Variants in ADAMTS18 observed in about 807,000 individuals in gnomAD.
ADAMTS18 encodes ADAM metallopeptidase with thrombospondin type 1 motif 18, also known as A disintegrin and metalloproteinase with thrombospondin motifs 18.
Under a neutral mutation model 165.9 loss-of-function variants are expected in ADAMTS18, and 157 were observed. The observed-to-expected ratio is 0.95, with a 90% confidence interval of 0.83 to 1.08. The LOEUF (loss-of-function observed/expected upper bound fraction) is 1.08, where lower values mean the gene tolerates loss of function less well. Ranked by LOEUF, ADAMTS18 falls within the 50% of genes least tolerant of loss-of-function variation. The pLI, the probability that ADAMTS18 is intolerant of heterozygous loss-of-function variation, is 0.00. For synonymous variants in ADAMTS18, 782 were observed against 578.2 expected (o/e 1.35, Z -5.06); for missense variants, 2,040 against 1,534.0 (o/e 1.33, Z -5.51).
intron 3 of ADAMTS18, among the ~76,000 whole-genome samples, chr16:77,414,563 G>A (rs180883405): frequency 1.2e-4 from 18 of 151,642 alleles, no homozygotes; most frequent in African/African-American, 2.7e-4. Context: ...AAATTATATC[G>A]GTTGACTTGC....
intron 16 of ADAMTS18, among the ~76,000 whole-genome samples, chr16:77,311,540 T>C (rs904309248): frequency 2.0e-5 from 3 of 152,224 alleles, no homozygotes; most frequent in African/African-American, 7.2e-5. Context: ...TTTTAGAATA[T>C]CTGTGTTCCA....
At chr16:77,381,619 T>C (rs973645779) in intron 3 of ADAMTS18, among the ~76,000 whole-genome samples, 2 of 151,938 alleles carry the variant, frequency 1.3e-5, no homozygotes, top group African/African-American at 4.8e-5. Flanking sequence ...CTGACCAACA[T>C]GGTGAAACCT....
chr16:77,289,162 C>T (rs748250188), intron 22 of ADAMTS18, 102 bp downstream of exon 22: 2 of 1,465,358 alleles, frequency 1.4e-6, no homozygotes, highest in Admixed American at 3.3e-5. Context: ...AATGGCTTAC[C>T]CTAGAGTTGT....
chr16:77,399,852 G>A (rs1210728963), intron 3 of ADAMTS18, among the ~76,000 whole-genome samples: 2 of 152,132 alleles, frequency 1.3e-5, no homozygotes, highest in South Asian at 2.1e-4. Context: ...AACTATAACT[G>A]TAATGTCCCT....
intron 10 of ADAMTS18, among the ~76,000 whole-genome samples, chr16:77,349,607 C>A (rs1264470314): frequency 2.0e-5 from 3 of 146,664 alleles, no homozygotes; most frequent in Non-Finnish European, 3.0e-5. Context: ...CCTGCTCTTA[C>A]ATGAAAATCG....
In ADAMTS18 at chr16:77,431,429, G is replaced by C. The variant is rs558792154; in HGVS notation, c.361C>G (p.His121Asp). The C allele has an allele frequency of 6.2e-7, 1 of 1,614,186 alleles. No homozygotes were observed. The highest frequency in any genetic ancestry group is 8.5e-7 in the Non-Finnish European group (1 of 1,180,042). Residue 121 changes from histidine to aspartate, a missense_variant, in exon 3 of 23, where the codon CAC becomes GAC. Physicochemically the swap from His to Asp is moderately conservative, Grantham distance 81. Coordinates refer to ENST00000282849, the MANE Select transcript of ADAMTS18 (RefSeq NM_199355.4). ...TTTCCAAGTACCTGGACAATAAAGT[G>C]ACTGCTCAAAATCGCCGAGGGCTTA... ...ELKPSAILSS[H>D]FIVQVLGKDG...
intron 3 of ADAMTS18, among the ~76,000 whole-genome samples, chr16:77,414,353 G>A (rs190376713): frequency 6.6e-6 from 1 of 152,252 alleles, no homozygotes; most frequent in Admixed American, 6.5e-5. Flanking sequence ...AATGTGGCTC[G>A]TCTGAACTGA....
At chr16:77,354,142 A>G (rs1431061931) in intron 9 of ADAMTS18, among the ~76,000 whole-genome samples, 1 of 152,202 alleles carries the variant, frequency 6.6e-6, no homozygotes, top group African/African-American at 2.4e-5. Context: ...GGGATTTGAC[A>G]GGAGACAGGA....
intron 3 of ADAMTS18, among the ~76,000 whole-genome samples, chr16:77,380,706 A>G (rs528892379): frequency 2.0e-5 from 3 of 152,256 alleles, no homozygotes; most frequent in East Asian, 1.9e-4. Context: ...ATCATAATCA[A>G]CAGATGTTGG....
chr16:77,430,490 C>T (rs1449894446), intron 3 of ADAMTS18, among the ~76,000 whole-genome samples: 1 of 152,224 alleles, frequency 6.6e-6, no homozygotes, highest in African/African-American at 2.4e-5. Flanking sequence ...TCACATTTTC[C>T]TTCTTCTGGC....
chr16:77,379,200 C>T (rs1459658124), intron 3 of ADAMTS18, among the ~76,000 whole-genome samples: 1 of 152,114 alleles, frequency 6.6e-6, no homozygotes, highest in Non-Finnish European at 1.5e-5. Flanking sequence ...CTTCTTGGGC[C>T]TATTAACTTC....
chr16:77,320,652 C>G (rs1386098763), intron 15 of ADAMTS18, among the ~76,000 whole-genome samples: 2 of 150,530 alleles, frequency 1.3e-5, no homozygotes, highest in Admixed American at 1.3e-4. Flanking sequence ...AAAAAAAAAT[C>G]TGTCTGGAAG....
At chr16:77,356,746 T>C (rs1245419740) in intron 8 of ADAMTS18, among the ~76,000 whole-genome samples, 7 of 152,168 alleles carry the variant, frequency 4.6e-5, no homozygotes, top group Non-Finnish European at 1.0e-4. Context: ...AAGGGTCTAG[T>C]AATTATAGAA....
chr16:77,386,319 A>T (rs566726185), intron 3 of ADAMTS18, among the ~76,000 whole-genome samples: 1 of 152,282 alleles, frequency 6.6e-6, no homozygotes, highest in East Asian at 1.9e-4. Context: ...TTAGGATCCA[A>T]ATTTCTAAGG....
rs753892043 is a variant in ADAMTS18 at position 77,295,116 on chromosome 16, C to G, written c.2813G>C (p.Gly938Ala). Residue 938 changes from glycine (G) to alanine (A), a missense_variant, in exon 19 of 23, where the codon GGT (glycine) becomes GCT (alanine). Coordinates refer to ENST00000282849, the MANE Select transcript of ADAMTS18 (RefSeq NM_199355.4). ...GGCCTTGCTGCATGTACTCCATTCA[C>G]CTGGCATCCAGCTTTCAGTGCAAAA... ...AFSCPAYWMP[G>A]EWSTCSKACA... 1 of 1,614,060 alleles carries G rather than the reference C, an allele frequency of 6.2e-7. No individual in the cohort carries two copies. Among genetic ancestry groups the G allele is most frequent in the Non-Finnish European group, 8.5e-7 (1 of 1,180,030 alleles).
At chr16:77,390,761 C>T (rs550049051) in intron 3 of ADAMTS18, among the ~76,000 whole-genome samples, 8 of 152,080 alleles carry the variant, frequency 5.3e-5, no homozygotes, top group South Asian at 2.1e-4. Context: ...CCCTTTACCC[C>T]ACCTGGTCTG....
rs2144558273 is a variant in ADAMTS18, at chr16:77,289,288, A to T, written c.3526T>A (p.Phe1176Ile). 2 of 1,614,124 alleles carry T rather than the reference A, an allele frequency of 1.2e-6. No individual in the cohort carries two copies. The highest frequency in any genetic ancestry group is 4.5e-5 in the East Asian group (2 of 44,882). Residue 1176 changes from phenylalanine to isoleucine, a missense_variant, in exon 22 of 23, where the codon TTC becomes ATC. Coordinates refer to ENST00000282849, the MANE Select transcript of ADAMTS18 (RefSeq NM_199355.4). ...CCTCTCTTTTCAGGAGCTGGACAGA[A>T]GTTTGTATTACAGGCTCGTAGCACC... Reference protein sequence around the residue: ...PPVLRACNTNFCPAPEKREDP... With the variant: ...PPVLRACNTNICPAPEKREDP...
chr16:77,342,716 G>A (rs559904831), intron 10 of ADAMTS18, among the ~76,000 whole-genome samples: 27 of 152,290 alleles, frequency 1.8e-4, no homozygotes, highest in Non-Finnish European at 2.2e-4. Context: ...AAAGATGTTC[G>A]CATACTAATC....
At chr16:77,409,498 C>T (rs2057433831) in intron 3 of ADAMTS18, among the ~76,000 whole-genome samples, 1 of 152,130 alleles carries the variant, frequency 6.6e-6, no homozygotes, top group Non-Finnish European at 1.5e-5. Context: ...AATAGTATCA[C>T]AGACATTCTG....
Sources: allele counts gnomAD v4.1 joint callset (sites outside exome capture counted in the v4.1 genomes callset), GRCh38; gene constraint gnomAD v4.1.1; transcripts MANE v1.5; gene names NCBI Gene and HGNC (gene_info 2026-07-23, HGNC 2026-07-21).